Variants in OPCML observed in about 807,000 individuals in gnomAD.
The protein encoded by OPCML is opioid-binding protein/cell adhesion molecule.
Under a neutral mutation model 37.8 loss-of-function variants are expected in OPCML, and 13 were observed. The observed-to-expected ratio is 0.34, with a 90% CI of 0.22 to 0.55. The LOEUF is 0.55. Ranked by LOEUF, OPCML falls within the 20% of genes least tolerant of loss-of-function variation. The pLI, the probability that OPCML is intolerant of heterozygous loss-of-function variation, is 0.91. For missense variants in OPCML, 341 were observed against 435.6 expected (o/e 0.78, Z 1.93); for synonymous variants, 176 against 168.8 (o/e 1.04, Z -0.33).
chr11:132,492,652 C>A (rs1476590619), intron 4 of OPCML, among the ~76,000 whole-genome samples: 1 of 152,048 alleles, frequency 6.6e-6, no homozygotes, highest in African/African-American at 2.4e-5. Context: ...ATAAATCAAG[C>A]AGGCAGTTGA....
chr11:133,216,366 G>A (rs946387128), intron 1 of OPCML, among the ~76,000 whole-genome samples: 1 of 152,286 alleles, frequency 6.6e-6, no homozygotes, highest in Non-Finnish European at 1.5e-5. Context: ...TTGAAAAAAG[G>A]TACCTCTTAT....
chr11:132,709,360 A>T (rs1445945674), intron 2 of OPCML, among the ~76,000 whole-genome samples: 1 of 152,244 alleles, frequency 6.6e-6, no homozygotes, highest in Non-Finnish European at 1.5e-5. Flanking sequence ...TAACATCTTT[A>T]AAAACCATGG....
In OPCML at chr11:133,348,062, A is replaced by G. The variant is rs943992487; in HGVS notation, c.61+184202T>C. 2.0e-4 allele frequency among the ~76,000 whole-genome samples: 31 copies of G among 152,292 alleles called. No homozygotes were observed. The Middle Eastern group carries it at 0.014, about 67-fold the overall frequency. On this transcript the variant is annotated intron_variant, in intron 1 of 7. Coordinates refer to ENST00000524381, the MANE Select transcript of OPCML (RefSeq NM_001012393.5). ...GTATATGCATTCTATTAATCATTTGAAAAAAAGCTGTTCTTTCTCTGGGAG... is the reference window on the plus strand; with the variant it reads ...GTATATGCATTCTATTAATCATTTGGAAAAAAGCTGTTCTTTCTCTGGGAG...
intron 1 of OPCML, among the ~76,000 whole-genome samples, chr11:133,031,669 A>G (rs1057317828): frequency 6.6e-6 from 1 of 152,082 alleles, no homozygotes; most frequent in South Asian, 2.1e-4. Flanking sequence ...TGAGCATGGT[A>G]ATAAAAAAAG....
intron 1 of OPCML, among the ~76,000 whole-genome samples, chr11:133,171,130 T>A (rs1427064359): frequency 6.6e-6 from 1 of 152,228 alleles, no homozygotes; most frequent in Non-Finnish European, 1.5e-5. Flanking sequence ...GCTGGCCCTA[T>A]ACCTCTTTGT....
chr11:133,004,536 C>T (rs1236018112), intron 1 of OPCML: 7 of 985,414 alleles, frequency 7.1e-6, no homozygotes, highest in Non-Finnish European at 7.2e-6. Flanking sequence ...TGGCCATGCA[C>T]CTCTTGGCCG....
At chr11:132,999,151 T>C (rs1351234226) in intron 1 of OPCML, among the ~76,000 whole-genome samples, 1 of 152,198 alleles carries the variant, frequency 6.6e-6, no homozygotes, top group Non-Finnish European at 1.5e-5. Flanking sequence ...TCCTGCCCTA[T>C]CTGGCAGGAG....
At chr11:132,755,723 C>G (rs1946018919) in intron 2 of OPCML, among the ~76,000 whole-genome samples, 2 of 152,120 alleles carry the variant, frequency 1.3e-5, no homozygotes, top group Admixed American at 1.3e-4. Flanking sequence ...ATAGCTCACA[C>G]AGTTTGTCAT....
chr11:133,177,712 A>G lies in OPCML; in HGVS notation c.62-234702T>C, dbSNP rs545515183. ...TCGCAGTAACAGTGGGTGGTACACT[A>G]AGGTCCACAGATTTTTCTAGCTGCT... On this transcript the variant is annotated intron_variant, in intron 1 of 7. Coordinates refer to ENST00000524381, the MANE Select transcript of OPCML (RefSeq NM_001012393.5). The surrounding 1 kb of genome is among the most constrained non-coding windows in gnomAD (Gnocchi z 5.0). Among the ~76,000 whole-genome samples the G allele has an allele frequency of 6.6e-6, 1 of 152,306 alleles. No individual in the cohort carries two copies. The highest frequency in any genetic ancestry group is 1.9e-4 in the East Asian group (1 of 5,174).
At chr11:132,521,077 C>A (rs907331219) in intron 4 of OPCML, among the ~76,000 whole-genome samples, 5 of 152,142 alleles carry the variant, frequency 3.3e-5, no homozygotes, top group African/African-American at 1.2e-4. Context: ...GCCATTCTGA[C>A]TGGCATGAGA....
At chr11:132,852,117 A>G (rs141953206) in intron 2 of OPCML, among the ~76,000 whole-genome samples, 1 of 152,308 alleles carries the variant, frequency 6.6e-6, no homozygotes, top group East Asian at 1.9e-4. Flanking sequence ...AGAAATCTGT[A>G]CAAACAGACC....
At chr11:133,306,461 A>G (rs1016688498) in intron 1 of OPCML, among the ~76,000 whole-genome samples, 1 of 152,192 alleles carries the variant, frequency 6.6e-6, no homozygotes, top group Non-Finnish European at 1.5e-5. Flanking sequence ...ATTGGTTTCA[A>G]TTTACAAAGG....
intron 1 of OPCML, chr11:133,299,127 C>G (rs1942714703): frequency 6.6e-6 from 1 of 152,288 alleles, no homozygotes; most frequent in South Asian, 2.1e-4. Context: ...TTCTTATTCA[C>G]CACCCAGCAC....
chr11:132,621,097 G>A (rs776953419), intron 3 of OPCML, among the ~76,000 whole-genome samples: 9 of 152,244 alleles, frequency 5.9e-5, no homozygotes, highest in Non-Finnish European at 1.3e-4. Context: ...AATGTGGTTA[G>A]CTTGTAAATT....
chr11:132,894,782 G>T (rs139203629), intron 2 of OPCML, among the ~76,000 whole-genome samples: 2 of 152,204 alleles, frequency 1.3e-5, no homozygotes, highest in East Asian at 3.9e-4. Context: ...CTCCAGGCTC[G>T]CTGGCCTTTG....
At chr11:133,412,907 A>G (rs1051511982) in intron 1 of OPCML, among the ~76,000 whole-genome samples, 2 of 152,202 alleles carry the variant, frequency 1.3e-5, no homozygotes, top group Non-Finnish European at 2.9e-5. Context: ...CACAGAAAAT[A>G]TCTCCCTTAG....
Position 132,569,298 on chromosome 11 carries a change from G to A in OPCML, c.380-40112C>T, listed in dbSNP as rs539385410. ...ATTAGGACACAGATATCCATGAGGC[G>A]CAGGGAGAAGATGGCCATCAACAAG... On this transcript the variant is annotated intron_variant, in intron 3 of 7. Coordinates refer to ENST00000524381, the MANE Select transcript of OPCML (RefSeq NM_001012393.5). Among the ~76,000 whole-genome samples the A allele has an allele frequency of 1.2e-3, 187 of 152,336 alleles. 1 individual carries two copies. The Middle Eastern group carries it at 0.02, about 17-fold the overall frequency.
intron 3 of OPCML, among the ~76,000 whole-genome samples, chr11:132,591,274 A>G (rs534751334): frequency 3.9e-5 from 6 of 152,322 alleles, no homozygotes; most frequent in Admixed American, 3.3e-4. Context: ...TCCTTGAACC[A>G]GGCAGGTGGC....
chr11:132,813,868 A>G (rs889385510), intron 2 of OPCML, among the ~76,000 whole-genome samples: 4 of 152,222 alleles, frequency 2.6e-5, no homozygotes, highest in Admixed American at 1.3e-4. Context: ...CTCAGCTTAA[A>G]TGGAATCTCA....
Sources: gnomAD v4.1 joint callset for allele counts (sites outside exome capture counted in the v4.1 genomes callset) on GRCh38, gnomAD v4.1.1 for gene constraint, Gnocchi (gnomAD v3.1) non-coding constraint, MANE v1.5 for transcripts, NCBI Gene and HGNC (gene_info 2026-07-23, HGNC 2026-07-21) for gene names.